ATP6V1E1: variants seen among roughly 807,000 people sequenced by gnomAD.
The protein encoded by ATP6V1E1 is ATPase H+ transporting V1 subunit E1.
Under a neutral mutation model 35.2 loss-of-function variants are expected in ATP6V1E1, and 21 were observed. The ratio of observed to expected loss-of-function variants is 0.60; its 90% CI spans 0.42 to 0.86. The LOEUF is 0.86. Ranked by LOEUF, ATP6V1E1 falls within the 40% of genes least tolerant of loss-of-function variation. ATP6V1E1 has a pLI of 0.00. For synonymous variants in ATP6V1E1, 83 were observed against 87.8 expected, an observed-to-expected ratio of 0.95 and a Z score of 0.30; for missense variants, 183 against 272.6, an observed-to-expected ratio of 0.67 and a Z score of 2.32.
intron 6 of ATP6V1E1, among the ~76,000 whole-genome samples, chr22:17,599,115 A>G (rs1432859966): frequency 1.3e-5 from 2 of 152,180 alleles, no homozygotes; most frequent in African/African-American, 2.4e-5. Flanking sequence ...GGAGAAGAGA[A>G]GAGAAGAGAA....
chr22:17,610,310 A>G (rs2057809070), intron 4 of ATP6V1E1, among the ~76,000 whole-genome samples: 1 of 152,258 alleles, frequency 6.6e-6, no homozygotes, highest in African/African-American at 2.4e-5. Context: ...AATAAGGGCA[A>G]TAAATAACAA....
intron 7 of ATP6V1E1, 67 bp downstream of exon 7, chr22:17,598,127 A>G: frequency 8.2e-7 from 1 of 1,226,732 alleles, no homozygotes; most frequent in Non-Finnish European, 1.2e-6. Flanking sequence ...CATTTAAAAA[A>G]GGCCTGGTAT....
intron 1 of ATP6V1E1, among the ~76,000 whole-genome samples, chr22:17,626,147 A>G (rs931928976): frequency 6.6e-6 from 1 of 151,650 alleles, no homozygotes; most frequent in East Asian, 1.9e-4. Context: ...TCTAATAAAA[A>G]ATAGAAAAAA....
intron 4 of ATP6V1E1, among the ~76,000 whole-genome samples, chr22:17,608,041 C>T (rs1033388142): frequency 1.3e-5 from 2 of 152,228 alleles, no homozygotes; most frequent in Non-Finnish European, 2.9e-5. Flanking sequence ...TCTCTCCATT[C>T]TGTATCCTAT....
At chr22:17,599,577 CA>C (rs71284922) in intron 6 of ATP6V1E1, among the ~76,000 whole-genome samples, 99 of 65,676 alleles carry the variant, frequency 1.5e-3, no homozygotes, top group Admixed American at 4.0e-3. Flanking sequence ...AACTCCATCT[CA>C]AAAAAAAAAA....
intron 8 of ATP6V1E1, among the ~76,000 whole-genome samples, chr22:17,593,163 C>T (rs2057713621): frequency 6.6e-6 from 1 of 152,048 alleles, no homozygotes; most frequent in African/African-American, 2.4e-5. Flanking sequence ...CAAAGCCACG[C>T]ACATCAAAGC....
intron 8 of ATP6V1E1, among the ~76,000 whole-genome samples, chr22:17,593,072 G>A (rs567103910): frequency 6.6e-6 from 1 of 152,190 alleles, no homozygotes; most frequent in African/African-American, 2.4e-5. Context: ...ACAGGCGTGA[G>A]CCACCAAGCC....
At chr22:17,621,459 CT>C (rs1340671324) in intron 1 of ATP6V1E1, among the ~76,000 whole-genome samples, 2 of 152,106 alleles carry the variant, frequency 1.3e-5, no homozygotes. Context: ...CCACGTCCAG[CT>C]TAATTTTGTA....
At chr22:17,626,460 G>C (rs183240857) in intron 1 of ATP6V1E1, among the ~76,000 whole-genome samples, 5 of 151,894 alleles carry the variant, frequency 3.3e-5, no homozygotes, top group African/African-American at 1.2e-4. Flanking sequence ...CTGCAGCCTC[G>C]ACCCCTTGGG....
intron 5 of ATP6V1E1, 54 bp from the exon 6 acceptor site, chr22:17,600,149 A>G (rs2057755419): frequency 6.6e-7 from 1 of 1,522,794 alleles, no homozygotes; most frequent in Admixed American, 1.7e-5. Flanking sequence ...AAAATAAAGA[A>G]ACAGGTCGGG....
intron 2 of ATP6V1E1, among the ~76,000 whole-genome samples, chr22:17,617,546 G>A (rs2057852901): frequency 1.3e-5 from 2 of 151,916 alleles, no homozygotes; most frequent in African/African-American, 2.4e-5. Context: ...CACTTGTGTC[G>A]GCCTCCCAAA....
chr22:17,605,205 CAAAAA>C (rs898076791), intron 4 of ATP6V1E1, among the ~76,000 whole-genome samples: 3 of 54,870 alleles, frequency 5.5e-5, no homozygotes, highest in East Asian at 6.6e-4. Flanking sequence ...GACTTCATCT[CAAAAA>C]AAAAAAAAAA....
At position 17,592,602 on chromosome 22, in the gene ATP6V1E1, G is replaced by A. The variant is rs561058045; in HGVS notation, c.*72C>T. The A allele has an allele frequency of 9.4e-4, 1,372 of 1,456,988 alleles. 24 individuals are homozygous for A. In the South Asian group the frequency reaches 0.015, roughly 16 times the overall value. 90.3% of individuals were successfully genotyped at this position (1,456,988 alleles called of 1,614,324 possible). ...TGAAGAGGAAGCTACAGAGACATTC[G>A]TGTTTCTTCAAATATCAGAAGCTTC... On this transcript the variant is annotated 3_prime_UTR_variant, in exon 9 of 9. Transcript: ENST00000253413.
chr22:17,619,608 A>C, intron 1 of ATP6V1E1, 82 bp from the exon 2 acceptor site: 1 of 1,235,882 alleles, frequency 8.1e-7, no homozygotes, highest in Non-Finnish European at 1.1e-6. Context: ...AATCATAGGT[A>C]GGTGCAGTGG....
rs929972821 is a variant in ATP6V1E1, at chr22:17,619,445, A to C, written c.99+16T>G. On this transcript the variant is annotated intron_variant, in intron 2 of 8. Coordinates refer to ENST00000253413, the MANE Select transcript of ATP6V1E1 (RefSeq NM_001696.4). ...GAAACCTTGATAACTTCTTAAAACT[A>C]GAAAATGAATCTCACCTTTGCATCT... 2 of 1,590,090 alleles carry C rather than the reference A, an allele frequency of 1.3e-6. No individual in the cohort carries two copies.
At chr22:17,599,577 C>CAAAAAAAA (rs71284922) in intron 6 of ATP6V1E1, among the ~76,000 whole-genome samples, 14 of 65,614 alleles carry the variant, frequency 2.1e-4, no homozygotes, top group East Asian at 1.0e-3. Context: ...AACTCCATCT[C>CAAAAAAAA]AAAAAAAAAA....
chr22:17,623,886 C>A (rs2057890526), intron 1 of ATP6V1E1, among the ~76,000 whole-genome samples: 1 of 152,070 alleles, frequency 6.6e-6, no homozygotes, highest in African/African-American at 2.4e-5. Flanking sequence ...TGATCATATT[C>A]TTTTAAGAGT....
At chr22:17,600,954 C>G in intron 5 of ATP6V1E1, 138 bp downstream of exon 5, 1 of 674,062 alleles carries the variant, frequency 1.5e-6, no homozygotes, top group Non-Finnish European at 2.5e-6. Context: ...AGTAAAAAAG[C>G]TAAAAGAAAA....
chr22:17,628,680 G>A lies in ATP6V1E1; in HGVS notation c.-45C>T, dbSNP rs979674986. The A allele has an allele frequency of 3.7e-6, 6 of 1,613,234 alleles. No homozygotes were observed. The highest frequency in any genetic ancestry group is 4.2e-6 in the Non-Finnish European group (5 of 1,179,404). The stretch of plus-strand genomic sequence containing the variant: ...CGGTGAACAGTAGGCTCGAGTTTAG[G>A]TTTGAAAGGTGAGGTGAGAGAAATC... On this transcript the variant is annotated 5_prime_UTR_variant, in exon 1 of 9. Transcript: ENST00000253413.
Sources: gnomAD v4.1 joint callset for allele counts (sites outside exome capture counted in the v4.1 genomes callset) on GRCh38, gnomAD v4.1.1 for gene constraint, MANE v1.5 for transcripts, NCBI Gene and HGNC (gene_info 2026-07-23, HGNC 2026-07-21) for gene names.